The following SHANK2 variants were observed in gnomAD, a reference collection of about 807,000 sequenced individuals.
The protein encoded by SHANK2 is SH3 and multiple ankyrin repeat domains 2.
Under a neutral mutation model 133.7 loss-of-function variants are expected in SHANK2, and 43 were observed. That is an observed-to-expected ratio of 0.32 (90% CI 0.25 to 0.41). The LOEUF is 0.41. SHANK2 is among the 10% of genes least tolerant of loss of function. The pLI is 1.00. For missense variants in SHANK2, 1,994 were observed against 2,235.8 expected, an observed-to-expected ratio of 0.89 and a Z score of 2.18; for synonymous variants, 1,017 against 952.8, an observed-to-expected ratio of 1.07 and a Z score of -1.24.
intron 14 of SHANK2, among the ~76,000 whole-genome samples, chr11:70,745,902 C>T (rs531819034): frequency 1.3e-4 from 20 of 152,374 alleles, no homozygotes; most frequent in African/African-American, 3.8e-4. Flanking sequence ...TTCCTTCATC[C>T]GTGTCCTTCA....
rs115425173 is a variant in SHANK2 at position 70,651,465 on chromosome 11, T to C, written c.2061+8363A>G. ...GAAAAGGGATCCAACCTCCCCGCCA[T>C]CCAGGGCTCCCCACAGAGCAGTGGC... On this transcript the variant is annotated intron_variant, in intron 17 of 25. Transcript: ENST00000601538. 4.2e-3 allele frequency among the ~76,000 whole-genome samples: 644 copies of C among 152,204 alleles called. 4 individuals are homozygous for C. The highest frequency in any genetic ancestry group is 0.015 in the African/African-American group (625 of 41,540).
intron 14 of SHANK2, among the ~76,000 whole-genome samples, chr11:70,753,783 A>C (rs1946803612): frequency 1.1e-5 from 1 of 89,660 alleles, no homozygotes; most frequent in South Asian, 3.1e-4. Context: ...GAAGGAGATA[A>C]ATTGTCTTAC....
At chr11:70,505,509 G>T (rs2059123264) in intron 17 of SHANK2, among the ~76,000 whole-genome samples, 1 of 152,108 alleles carries the variant, frequency 6.6e-6, no homozygotes, top group South Asian at 2.1e-4. Context: ...GTCATCCCTT[G>T]CAAGGCTGTG....
intron 8 of SHANK2, among the ~76,000 whole-genome samples, chr11:71,083,509 G>C (rs1049303026): frequency 3.6e-4 from 55 of 152,244 alleles, no homozygotes; most frequent in Non-Finnish European, 6.6e-4. Flanking sequence ...GTGAGCCAGC[G>C]AGCGATGAGG....
intron 22 of SHANK2, 29 bp downstream of exon 22, chr11:70,492,306 C>T (rs1555156026): frequency 6.2e-7 from 1 of 1,606,386 alleles, no homozygotes. Flanking sequence ...CGGCCCCCGC[C>T]CTCGTGGTCC....
At chr11:70,644,925 A>G (rs17161002) in intron 17 of SHANK2, among the ~76,000 whole-genome samples, 5,065 of 152,298 alleles carry the variant, frequency 0.033, 293 homozygotes, top group African/African-American at 0.12. Flanking sequence ...AAATTCATCA[A>G]AAGATCTCGT....
chr11:70,741,604 G>A (rs1437993937), intron 14 of SHANK2, among the ~76,000 whole-genome samples: 1 of 152,112 alleles, frequency 6.6e-6, no homozygotes, highest in Non-Finnish European at 1.5e-5. Context: ...TGGGTACCCT[G>A]TGTGTCCTCC....
At chr11:70,480,259 T>A (rs1284677886) in intron 25 of SHANK2, among the ~76,000 whole-genome samples, 13 of 152,262 alleles carry the variant, frequency 8.5e-5, no homozygotes, top group African/African-American at 3.1e-4. Flanking sequence ...CTCCTGGTTT[T>A]CTGCAAGGTT....
At chr11:70,765,602 T>C (rs1273986092) in intron 14 of SHANK2, among the ~76,000 whole-genome samples, 3 of 152,234 alleles carry the variant, frequency 2.0e-5, no homozygotes, top group African/African-American at 7.2e-5. Context: ...TTCTGTCATC[T>C]GTAACTAAGT....
intron 11 of SHANK2, among the ~76,000 whole-genome samples, chr11:70,876,891 C>G (rs537608951): frequency 1.3e-5 from 2 of 152,188 alleles, no homozygotes; most frequent in Non-Finnish European, 2.9e-5. Flanking sequence ...ACTCTGGTCC[C>G]GTGACTGCCT....
chr11:71,164,691 T>C (rs1953103249), intron 2 of SHANK2, among the ~76,000 whole-genome samples: 1 of 152,252 alleles, frequency 6.6e-6, no homozygotes, highest in Non-Finnish European at 1.5e-5. Flanking sequence ...ACTAAACATA[T>C]TTAGTGTATA....
rs1258830202 is a variant in SHANK2 at position 70,535,823 on chromosome 11, A to C, written c.2062-32892T>G. On this transcript the variant is annotated intron_variant, in intron 17 of 25. Transcript: ENST00000601538. This position sits in a 1 kb window ranked among gnomAD's most constrained non-coding sequence, Gnocchi z 4.3. ...CATCCGCTGGCAGGGAGCTGGGCCC[A>C]GGCACTTGGGAAGCTTGGGAGCCTG... is the stretch of plus-strand genomic sequence containing the variant. Among the ~76,000 whole-genome samples, 2 of 152,206 alleles carry C rather than the reference A, an allele frequency of 1.3e-5. No individual in the cohort carries two copies. Among genetic ancestry groups the C allele is most frequent in the African/African-American group, 2.4e-5 (1 of 41,456 alleles).
intron 17 of SHANK2, among the ~76,000 whole-genome samples, chr11:70,528,379 G>A (rs1414080128): frequency 5.9e-5 from 9 of 152,180 alleles, no homozygotes; most frequent in African/African-American, 1.9e-4. Flanking sequence ...GACGCGCAAT[G>A]CAGGTGCCAC....
At chr11:70,662,999 G>A (rs73525970) in intron 15 of SHANK2, among the ~76,000 whole-genome samples, 2,244 of 152,294 alleles carry the variant, frequency 0.015, 68 homozygotes, top group African/African-American at 0.051. Context: ...GGAGGGGAGC[G>A]GGGAAGGGAG....
chr11:70,554,434 G>A (rs978327223), intron 17 of SHANK2, among the ~76,000 whole-genome samples: 1 of 152,158 alleles, frequency 6.6e-6, no homozygotes, highest in Non-Finnish European at 1.5e-5. Context: ...ATGAGTCAAA[G>A]CTTGCAAGGA....
intron 14 of SHANK2, among the ~76,000 whole-genome samples, chr11:70,782,562 C>T (rs964754871): frequency 7.2e-5 from 11 of 152,172 alleles, no homozygotes; most frequent in Non-Finnish European, 1.3e-4. Flanking sequence ...GTGGAAGAGT[C>T]CCCAGCCCCC....
rs1555158888 is a variant in SHANK2, at chr11:70,502,290, G to C, written c.2198-4C>G. On this transcript the variant is annotated splice_polypyrimidine_tract_variant and splice_region_variant and intron_variant, in intron 18 of 25. Coordinates refer to ENST00000601538, the MANE Select transcript of SHANK2 (RefSeq NM_012309.5). Reference sequence around the variant, plus strand: ...GCCCGCTTTGGAGGCGGGGGAGCTGGAGGGCAGAGGAGAGATGGGTGTGAG... The same window carrying C: ...GCCCGCTTTGGAGGCGGGGGAGCTGCAGGGCAGAGGAGAGATGGGTGTGAG... 3.2e-6 allele frequency: 5 copies of C among 1,552,438 alleles called. No homozygotes were observed. Among genetic ancestry groups the C allele is most frequent in the Non-Finnish European group, 2.6e-6 (3 of 1,147,560 alleles).
intron 1 of SHANK2, among the ~76,000 whole-genome samples, chr11:71,243,921 G>C (rs1555124696): frequency 6.6e-6 from 1 of 152,142 alleles, no homozygotes; most frequent in Non-Finnish European, 1.5e-5. Flanking sequence ...GGCTTTATTG[G>C]TGAATTCTAC....
intron 3 of SHANK2, among the ~76,000 whole-genome samples, chr11:71,138,698 G>T (rs1555105210): frequency 6.6e-6 from 1 of 151,122 alleles, no homozygotes; most frequent in Non-Finnish European, 1.5e-5. Context: ...CACTTGGGAA[G>T]CTGAAGCAGG....
Sources: allele counts gnomAD v4.1 joint callset (sites outside exome capture counted in the v4.1 genomes callset), GRCh38; gene constraint gnomAD v4.1.1; non-coding constraint Gnocchi (gnomAD v3.1); transcripts MANE v1.5; gene names NCBI Gene and HGNC (gene_info 2026-07-23, HGNC 2026-07-21).